Variants in GRM8 observed in about 807,000 individuals in gnomAD.
GRM8 encodes the protein glutamate metabotropic receptor 8, also known as metabotropic glutamate receptor 8.
In GRM8, 47 loss-of-function variants were observed where a neutral mutation model predicts 87.2. The observed-to-expected ratio is 0.54, with a 90% CI of 0.43 to 0.69. The LOEUF (loss-of-function observed/expected upper bound fraction) is 0.69, where lower values mean the gene tolerates loss of function less well. GRM8 is among the 30% of genes least tolerant of loss of function. GRM8 has a pLI of 0.00. For synonymous variants in GRM8, 396 were observed against 404.5 expected, an observed-to-expected ratio of 0.98 and a Z score of 0.25; for missense variants, 1,019 against 1,139.2, an observed-to-expected ratio of 0.89 and a Z score of 1.52.
At chr7:126,747,650 A>G (rs1815851026) in intron 7 of GRM8, among the ~76,000 whole-genome samples, 2 of 152,038 alleles carry the variant, frequency 1.3e-5, no homozygotes, top group African/African-American at 4.8e-5. Flanking sequence ...ACAAAAATAT[A>G]TACAGTATTC....
At chr7:127,080,137 A>G (rs1302727205) in intron 3 of GRM8, among the ~76,000 whole-genome samples, 2 of 152,184 alleles carry the variant, frequency 1.3e-5, no homozygotes, top group Non-Finnish European at 2.9e-5. Context: ...TGTAACCACA[A>G]GGGTCCTTAA....
chr7:126,484,606 C>G (rs1302165597), intron 9 of GRM8, among the ~76,000 whole-genome samples: 1 of 151,586 alleles, frequency 6.6e-6, no homozygotes, highest in Non-Finnish European at 1.5e-5. Flanking sequence ...CTTTTACTTA[C>G]TACTACTTTA....
intron 3 of GRM8, among the ~76,000 whole-genome samples, chr7:127,057,345 G>A (rs1373960623): frequency 6.6e-6 from 1 of 152,150 alleles, no homozygotes; most frequent in Non-Finnish European, 1.5e-5. Flanking sequence ...AAGTTCATGA[G>A]TAGAGTCTAT....
At chr7:126,764,908 A>G (rs1818024397) in intron 7 of GRM8, among the ~76,000 whole-genome samples, 1 of 151,934 alleles carries the variant, frequency 6.6e-6, no homozygotes, top group Non-Finnish European at 1.5e-5. Flanking sequence ...CCTAGACATC[A>G]CCCCTCTCTC....
intron 2 of GRM8, among the ~76,000 whole-genome samples, chr7:127,221,440 C>T (rs1796925055): frequency 6.6e-6 from 1 of 152,132 alleles, no homozygotes; most frequent in Non-Finnish European, 1.5e-5. Context: ...ATATAGCCAC[C>T]TTGCCCAAGT....
chr7:127,076,390 T>A (rs1333431307), intron 3 of GRM8, among the ~76,000 whole-genome samples: 1 of 152,218 alleles, frequency 6.6e-6, no homozygotes, highest in Non-Finnish European at 1.5e-5. Flanking sequence ...TTTTCATTCA[T>A]CATTATCAGC....
intron 6 of GRM8, among the ~76,000 whole-genome samples, chr7:126,859,414 C>T (rs1360613430): frequency 6.6e-6 from 1 of 152,184 alleles, no homozygotes; most frequent in Non-Finnish European, 1.5e-5. Flanking sequence ...GCACTTTCCC[C>T]AAGCTATTTG....
chr7:127,026,181 TC>T (rs1377144103), intron 3 of GRM8, among the ~76,000 whole-genome samples: 6 of 152,176 alleles, frequency 3.9e-5, no homozygotes, highest in Non-Finnish European at 7.4e-5. Context: ...CACAAACTCA[TC>T]CTTTTATATG....
chr7:126,871,573 CA>C (rs1323419950), intron 6 of GRM8, among the ~76,000 whole-genome samples: 7 of 152,116 alleles, frequency 4.6e-5, no homozygotes, highest in Non-Finnish European at 7.4e-5. Context: ...CCATGCCAGT[CA>C]TTTTATAGTA....
At chr7:127,015,780 G>A (rs2237778) in intron 3 of GRM8, among the ~76,000 whole-genome samples, 60,162 of 151,766 alleles carry the variant, frequency 0.4, 12,054 homozygotes, top group Non-Finnish European at 0.42. Context: ...ATTTCATTAG[G>A]GAGACATATA....
At chr7:126,696,164 G>A (rs1809353735) in intron 7 of GRM8, among the ~76,000 whole-genome samples, 1 of 152,108 alleles carries the variant, frequency 6.6e-6, no homozygotes, top group Non-Finnish European at 1.5e-5. Context: ...TGGGACTAGG[G>A]TGAAGTGAGT....
chr7:126,451,904 G>C (rs1163980076), intron 9 of GRM8, among the ~76,000 whole-genome samples: 2 of 151,456 alleles, frequency 1.3e-5, no homozygotes, highest in African/African-American at 4.8e-5. Flanking sequence ...ACACTCCTTA[G>C]TATCTAACAC....
intron 3 of GRM8, among the ~76,000 whole-genome samples, chr7:126,944,151 A>G (rs531660176): frequency 6.6e-6 from 1 of 152,338 alleles, no homozygotes; most frequent in Admixed American, 6.5e-5. Context: ...GCAACCTGAG[A>G]GACTAAGCTG....
intron 8 of GRM8, among the ~76,000 whole-genome samples, chr7:126,534,619 G>A (rs1056398992): frequency 2.0e-5 from 3 of 152,050 alleles, no homozygotes; most frequent in East Asian, 1.9e-4. Flanking sequence ...GCTTAGTATC[G>A]CTTCAGGGCC....
At chr7:126,749,477 A>G (rs970334146) in intron 7 of GRM8, among the ~76,000 whole-genome samples, 11 of 151,768 alleles carry the variant, frequency 7.2e-5, no homozygotes, top group Non-Finnish European at 1.5e-4. Context: ...AGAATTGAAA[A>G]TGTTTCTCAA....
intron 7 of GRM8, among the ~76,000 whole-genome samples, chr7:126,687,601 G>A (rs1808326539): frequency 6.6e-6 from 1 of 150,512 alleles, no homozygotes; most frequent in African/African-American, 2.5e-5. Context: ...TTTCCACTAA[G>A]TATGTAACCA....
chr7:126,542,799 T>C (rs892373825), intron 8 of GRM8, among the ~76,000 whole-genome samples: 10 of 152,194 alleles, frequency 6.6e-5, no homozygotes, highest in Non-Finnish European at 1.2e-4. Context: ...ATCACTGTGG[T>C]GACAGATCAG....
At chr7:126,785,969 T>C (rs1159568316) in intron 6 of GRM8, among the ~76,000 whole-genome samples, 1 of 152,156 alleles carries the variant, frequency 6.6e-6, no homozygotes, top group African/African-American at 2.4e-5. Context: ...CTAAACATAC[T>C]CCACCACATT....
chr7:126,737,776 T>A (rs1011812282), intron 7 of GRM8, among the ~76,000 whole-genome samples: 1 of 152,046 alleles, frequency 6.6e-6, no homozygotes, highest in Non-Finnish European at 1.5e-5. Flanking sequence ...TAAGGTCAAG[T>A]AAGTCATGAC....
Sources: gnomAD v4.1 joint callset for allele counts (sites outside exome capture counted in the v4.1 genomes callset) on GRCh38, gnomAD v4.1.1 for gene constraint, MANE v1.5 for transcripts, NCBI Gene and HGNC (gene_info 2026-07-23, HGNC 2026-07-21) for gene names.